The following DEPDC1B variants were observed in gnomAD, a reference collection of about 807,000 sequenced individuals.
The protein encoded by DEPDC1B is DEP domain containing 1B.
In DEPDC1B, 51 loss-of-function variants were observed where a neutral mutation model predicts 66.5. The observed-to-expected ratio is 0.77, with a 90% CI of 0.61 to 0.97. The LOEUF (loss-of-function observed/expected upper bound fraction) is 0.97. Among genes scored for constraint, DEPDC1B ranks in the 50% least tolerant of loss-of-function variants. The pLI, the probability that DEPDC1B is intolerant of heterozygous loss-of-function variation, is 0.00. For missense variants in DEPDC1B, 552 were observed against 637.1 expected (o/e 0.87, Z 1.44); for synonymous variants, 226 against 223.6 (o/e 1.01, Z -0.10).
intron 2 of DEPDC1B, among the ~76,000 whole-genome samples, chr5:60,671,478 C>T (rs186609938): frequency 1.3e-5 from 2 of 152,336 alleles, no homozygotes; most frequent in East Asian, 3.9e-4. Flanking sequence ...CAAGATAATC[C>T]TTCCAGAAGA....
At chr5:60,604,215 A>ATTTTT (rs1323826916) in intron 8 of DEPDC1B, among the ~76,000 whole-genome samples, 36 of 60,032 alleles carry the variant, frequency 6.0e-4, no homozygotes, top group African/African-American at 1.1e-3. Flanking sequence ...GAAATTAACT[A>ATTTTT]TTCTTTTTTT....
At chr5:60,598,520 GATCAACCTTTATGA>G (rs1227443704) in intron 10 of DEPDC1B, among the ~76,000 whole-genome samples, 15 of 152,116 alleles carry the variant, frequency 9.9e-5, no homozygotes, top group Non-Finnish European at 1.8e-4. Context: ...CCTGATCATG[GATCAACCTTTATGA>G]ATAGTCAAAA....
At chr5:60,623,755 A>G (rs538719936) in intron 7 of DEPDC1B, among the ~76,000 whole-genome samples, 1 of 152,276 alleles carries the variant, frequency 6.6e-6, no homozygotes, top group South Asian at 2.1e-4. Context: ...CCTACTTATA[A>G]TTCATCCCTG....
intron 2 of DEPDC1B, among the ~76,000 whole-genome samples, chr5:60,668,620 T>C (rs991220363): frequency 6.6e-5 from 10 of 151,972 alleles, no homozygotes; most frequent in Non-Finnish European, 1.5e-4. Flanking sequence ...AAGAAAAAAC[T>C]TCTGTGAAGA....
At chr5:60,643,001 A>G (rs1471519892) in intron 5 of DEPDC1B, 142 bp from the exon 6 acceptor site, 4 of 632,518 alleles carry the variant, frequency 6.3e-6, no homozygotes, top group Non-Finnish European at 1.1e-5. Flanking sequence ...TGTTATTAGA[A>G]CATTTAAAAG....
intron 5 of DEPDC1B, among the ~76,000 whole-genome samples, chr5:60,643,186 CAAAAAG>C (rs930848444): frequency 3.3e-5 from 5 of 151,834 alleles, no homozygotes; most frequent in Admixed American, 6.6e-5. Context: ...TTAAGAATTA[CAAAAAG>C]AAAAAGAAAA....
At chr5:60,614,309 TA>T (rs1752488458) in intron 7 of DEPDC1B, among the ~76,000 whole-genome samples, 1 of 152,242 alleles carries the variant, frequency 6.6e-6, no homozygotes, top group African/African-American at 2.4e-5. Flanking sequence ...GGGGTGTTTT[TA>T]TTTTTTTACA....
chr5:60,612,536 A>G (rs1013551088), intron 7 of DEPDC1B, among the ~76,000 whole-genome samples: 1 of 151,118 alleles, frequency 6.6e-6, no homozygotes, highest in African/African-American at 2.4e-5. Context: ...CTCAAAAAAA[A>G]AAAAAAAAAA....
chr5:60,618,687 A>T (rs1752625660), intron 7 of DEPDC1B, among the ~76,000 whole-genome samples: 1 of 152,256 alleles, frequency 6.6e-6, no homozygotes, highest in Admixed American at 6.5e-5. Context: ...AGACGGATTC[A>T]CAGCCAAATT....
Position 60,655,247 on chromosome 5 carries a change from T to C in DEPDC1B, c.315-7714A>G, listed in dbSNP as rs1412204902. 2.7e-5 allele frequency among the ~76,000 whole-genome samples: 4 copies of C among 149,220 alleles called. 1 individual carries two copies. Among genetic ancestry groups the C allele is most frequent in the African/African-American group, 1.0e-4 (4 of 39,598 alleles). ...GATAGAATTCAGCTGTGAATCCTTC[T>C]GGTCCTAGACTTTTTATTGTTGCTG... On this transcript the variant is annotated intron_variant, in intron 2 of 10. Coordinates refer to ENST00000265036, the MANE Select transcript of DEPDC1B (RefSeq NM_018369.3).
At chr5:60,662,771 C>G (rs1173242204) in intron 2 of DEPDC1B, among the ~76,000 whole-genome samples, 1 of 152,134 alleles carries the variant, frequency 6.6e-6, no homozygotes, top group Admixed American at 6.5e-5. Flanking sequence ...ACCAGATGAT[C>G]CAGGAGCAGG....
At chr5:60,639,112 T>C (rs941502022) in intron 6 of DEPDC1B, among the ~76,000 whole-genome samples, 1 of 152,202 alleles carries the variant, frequency 6.6e-6, no homozygotes, top group Non-Finnish European at 1.5e-5. Context: ...TATGTCTAAA[T>C]TGAAATCTAT....
At chr5:60,651,577 G>A (rs900332257) in intron 2 of DEPDC1B, among the ~76,000 whole-genome samples, 3 of 151,654 alleles carry the variant, frequency 2.0e-5, no homozygotes, top group Non-Finnish European at 4.4e-5. Context: ...AAACTACAAT[G>A]GTTATTTTAA....
At chr5:60,688,780 C>CA (rs886528283) in intron 1 of DEPDC1B, among the ~76,000 whole-genome samples, 2 of 151,926 alleles carry the variant, frequency 1.3e-5, no homozygotes, top group African/African-American at 4.8e-5. Context: ...CCTAGAAGCT[C>CA]AAAAAATCTC....
At chr5:60,688,923 A>G (rs756914032) in intron 1 of DEPDC1B, 7 of 420,972 alleles carry the variant, frequency 1.7e-5, no homozygotes, top group Non-Finnish European at 3.3e-5. Flanking sequence ...TTATTTAGGA[A>G]CCTCGTTTTG....
At chr5:60,677,661 G>A (rs1754201370) in intron 2 of DEPDC1B, among the ~76,000 whole-genome samples, 1 of 151,936 alleles carries the variant, frequency 6.6e-6, no homozygotes. Context: ...CTCAGCCTCT[G>A]GAGTAGCTTG....
chr5:60,639,042 G>T, intron 6 of DEPDC1B, 152 bp from the exon 7 acceptor site: 1 of 737,354 alleles, frequency 1.4e-6, no homozygotes, highest in Non-Finnish European at 2.1e-6. Flanking sequence ...AATTAAATAG[G>T]CATTCTACAC....
intron 2 of DEPDC1B, among the ~76,000 whole-genome samples, chr5:60,662,595 C>T (rs1349870423): frequency 6.6e-6 from 1 of 152,134 alleles, no homozygotes; most frequent in South Asian, 2.1e-4. Context: ...TTGAGCAAAT[C>T]GAATGCCTAA....
intron 2 of DEPDC1B, among the ~76,000 whole-genome samples, chr5:60,675,124 C>T (rs940101214): frequency 6.6e-6 from 1 of 152,108 alleles, no homozygotes; most frequent in African/African-American, 2.4e-5. Flanking sequence ...CATGCCTGAG[C>T]CCTCACTGCC....
Sources: allele counts gnomAD v4.1 joint callset (sites outside exome capture counted in the v4.1 genomes callset), GRCh38; gene constraint gnomAD v4.1.1; transcripts MANE v1.5; gene names NCBI Gene and HGNC (gene_info 2026-07-23, HGNC 2026-07-21).